Variants in TPX2 observed in about 807,000 individuals in gnomAD.
The protein encoded by TPX2 is TPX2 microtubule nucleation factor, also known as targeting protein for Xklp2.
Under a neutral mutation model 93.6 loss-of-function variants are expected in TPX2, and 21 were observed. The observed-to-expected ratio is 0.22, with a 90% CI of 0.16 to 0.32. The LOEUF is 0.32. Among genes scored for constraint, TPX2 ranks in the 10% least tolerant of loss-of-function variants. The probability of loss-of-function intolerance (pLI) is 1.00; values close to 1 mark genes in which losing one functional copy is unlikely to be tolerated. For missense variants in TPX2, 776 were observed against 871.1 expected, an observed-to-expected ratio of 0.89 and a Z score of 1.37; for synonymous variants, 281 against 298.3, an observed-to-expected ratio of 0.94 and a Z score of 0.60.
chr20:31,744,651 G>A (rs2122943535), intron 2 of TPX2, among the ~76,000 whole-genome samples: 1 of 152,024 alleles, frequency 6.6e-6, no homozygotes, highest in South Asian at 2.1e-4. Context: ...TCCTGCCTTA[G>A]CCTCTCGAGT....
At position 31,798,306 on chromosome 20, in the gene TPX2, G is replaced by A. The variant is rs8122920; in HGVS notation, c.1946-59G>A. 5.9e-4 allele frequency: 954 copies of A among 1,604,826 alleles called. 2 individuals are homozygous for A. In the African/African-American group the frequency reaches 9.6e-3, roughly 16 times the overall value. ...TCTGTGCCACTTGCTCATTCCAGGG[G>A]GCGTAGGTTTATGCAAGTCCTGCTT... On this transcript the variant is annotated intron_variant, in intron 16 of 17. Transcript: ENST00000300403.
chr20:31,788,840 A>G (rs2062083367), intron 12 of TPX2, among the ~76,000 whole-genome samples: 2 of 152,134 alleles, frequency 1.3e-5, no homozygotes, highest in Non-Finnish European at 2.9e-5. Flanking sequence ...TAGCAGAGAT[A>G]CTTTAGGGAT....
intron 2 of TPX2, among the ~76,000 whole-genome samples, chr20:31,743,756 C>T (rs1190517230): frequency 2.2e-5 from 3 of 137,832 alleles, no homozygotes; most frequent in East Asian, 4.1e-4. Flanking sequence ...GGCAGAGTTT[C>T]GCTCTTGTTG....
At chr20:31,765,285 C>G (rs894622941) in intron 4 of TPX2, among the ~76,000 whole-genome samples, 1 of 149,316 alleles carries the variant, frequency 6.7e-6, no homozygotes, top group East Asian at 1.9e-4. Context: ...TACTGAGACC[C>G]CCATCTCTAT....
At chr20:31,760,836 T>C (rs1485185388) in intron 4 of TPX2, among the ~76,000 whole-genome samples, 10 of 152,358 alleles carry the variant, frequency 6.6e-5, no homozygotes, top group Non-Finnish European at 1.0e-4. Flanking sequence ...GATGGATCGC[T>C]TCTCGGCCTT....
intron 4 of TPX2, among the ~76,000 whole-genome samples, chr20:31,765,212 C>CTTTGGGAGG (rs2061917009): frequency 6.7e-6 from 1 of 148,664 alleles, no homozygotes; most frequent in Non-Finnish European, 1.5e-5. Flanking sequence ...AATCCCAGTA[C>CTTTGGGAGG]TTTGGGAGGC....
intron 2 of TPX2, among the ~76,000 whole-genome samples, chr20:31,744,311 C>T (rs1343692995): frequency 1.3e-5 from 2 of 151,284 alleles, no homozygotes; most frequent in East Asian, 2.0e-4. Context: ...TACAGGCACC[C>T]GCAACCACAC....
chr20:31,763,551 A>C (rs2061903752), intron 4 of TPX2, among the ~76,000 whole-genome samples: 1 of 152,000 alleles, frequency 6.6e-6, no homozygotes, highest in African/African-American at 2.4e-5. Context: ...AATTAGAGAG[A>C]GAGGTAGTGA....
intron 12 of TPX2, among the ~76,000 whole-genome samples, chr20:31,788,226 G>T (rs1185174797): frequency 6.6e-6 from 1 of 152,002 alleles, no homozygotes; most frequent in African/African-American, 2.4e-5. Flanking sequence ...AGACCAGCCT[G>T]CCCAACATGG....
rs1175958600 is a variant in TPX2 at position 31,770,377 on chromosome 20, G to A, written c.391G>A (p.Glu131Lys). The A allele has an allele frequency of 3.1e-6, 5 of 1,603,992 alleles. No homozygotes were observed. In the South Asian group the frequency reaches 4.5e-5, roughly 14 times the overall value. The change falls in exon 6 of 18, where the codon GAA becomes AAA. Residue 131 changes from glutamate to lysine, a missense_variant. By Grantham distance (56) the Glu-to-Lys change is moderately conservative (BLOSUM62 1). Coordinates refer to ENST00000300403, the MANE Select transcript of TPX2 (RefSeq NM_012112.5). ...TAGGCTTTCTGCTCAGAAGGATTTG[G>A]AACAGAAAGAAAAGCATCATGTAAA... The part of the protein sequence containing the change: ...SLRLSAQKDL[E>K]QKEKHHVKMK...
At position 31,766,700 on chromosome 20, in the gene TPX2, C is replaced by T. The variant is rs1178665358; in HGVS notation, c.356+18C>T. 1 of 1,604,968 alleles carries T rather than the reference C, an allele frequency of 6.2e-7. No individual in the cohort carries two copies. Among genetic ancestry groups the T allele is most frequent in the Non-Finnish European group, 8.5e-7 (1 of 1,175,956 alleles). ...CCTCAGAGGTAAGACTTTGGAATCT[C>T]AAAGTGGTGGTTATGATAATAATGT... On this transcript the variant is annotated intron_variant, in intron 5 of 17. Transcript: ENST00000300403.
In TPX2 at chr20:31,777,900, C is replaced by G. The variant is rs569220442; in HGVS notation, c.882+262C>G. 1.1e-4 allele frequency among the ~76,000 whole-genome samples: 16 copies of G among 152,136 alleles called. No homozygotes were observed. The South Asian group carries it at 1.5e-3, about 14-fold the overall frequency. On this transcript the variant is annotated intron_variant, in intron 9 of 17. Transcript: ENST00000300403. ...CAAGTAATTCTCCTGCCTCAGCCTC[C>G]CAAGTAGCTGAGATTACAGGCGCCT...
At position 31,769,318 on chromosome 20, in the gene TPX2, C is replaced by CT. The variant is rs143158722; in HGVS notation, c.357-1008dup. ...ATAAGGAAATTATCTAATGATCACG[C>CT]TTTTTTTTTTTTTTTTTCAAGGCGG... On this transcript the variant is annotated intron_variant, in intron 5 of 17. Coordinates refer to ENST00000300403, the MANE Select transcript of TPX2 (RefSeq NM_012112.5). 2.2e-3 allele frequency among the ~76,000 whole-genome samples: 265 copies of CT among 121,832 alleles called. 1 individual carries two copies. Among genetic ancestry groups the CT allele is most frequent in the Middle Eastern group, 4.2e-3 (1 of 236 alleles). The allele number at this position is 121,832 out of a possible 152,430, so 79.9% of individuals were successfully genotyped here.
intron 2 of TPX2, among the ~76,000 whole-genome samples, chr20:31,753,678 G>A (rs2122968400): frequency 6.6e-6 from 1 of 152,272 alleles, no homozygotes; most frequent in South Asian, 2.1e-4. Context: ...ATGGGAAGAT[G>A]ATGTTCTCTG....
At chr20:31,772,519 T>C (rs1257497301) in intron 7 of TPX2, among the ~76,000 whole-genome samples, 1 of 152,118 alleles carries the variant, frequency 6.6e-6, no homozygotes, top group Non-Finnish European at 1.5e-5. Context: ...TTAAAAGAAA[T>C]ATAAAAGGAA....
At chr20:31,765,188 T>A (rs1468796351) in intron 4 of TPX2, among the ~76,000 whole-genome samples, 2 of 151,932 alleles carry the variant, frequency 1.3e-5, no homozygotes, top group African/African-American at 4.8e-5. Flanking sequence ...GCTGGGCTTG[T>A]AGTTCATGCC....
rs1213159097 is a variant in TPX2 at position 31,797,420 on chromosome 20, G to C, written c.1850G>C (p.Arg617Thr). ...TWKHQLEEEL[R>T]QQKEAACFKA... ...CTCTAATAGCTGGAAGAAGAACTGA[G>C]ACAGCAGAAAGAAGCAGCTTGTTTC... Residue 617 changes from arginine to threonine, a missense_variant, in exon 16 of 18, where the codon AGA becomes ACA. Arg to Thr is a moderately conservative substitution (Grantham distance 71). This residue lies in a region of TPX2 where 461 missense variants were observed against 551.2 expected (regional missense o/e 0.84). Coordinates refer to ENST00000300403, the MANE Select transcript of TPX2 (RefSeq NM_012112.5). 6 of 1,613,988 alleles carry C rather than the reference G, an allele frequency of 3.7e-6. No individual in the cohort carries two copies. The South Asian group carries it at 6.6e-5, about 18-fold the overall frequency.
chr20:31,771,721 G>T (rs2274581), intron 7 of TPX2, 39 bp downstream of exon 7: 1 of 1,583,628 alleles, frequency 6.3e-7, no homozygotes, highest in Non-Finnish European at 8.6e-7. Flanking sequence ...AGAATGAATG[G>T]TATAAAATTA....
At chr20:31,759,349 G>A (rs2061872619) in intron 3 of TPX2, among the ~76,000 whole-genome samples, 1 of 147,638 alleles carries the variant, frequency 6.8e-6, no homozygotes, top group African/African-American at 2.5e-5. Context: ...AGACTATACA[G>A]TATCTCTTGT....
Sources: allele counts gnomAD v4.1 joint callset (sites outside exome capture counted in the v4.1 genomes callset), GRCh38; gene constraint gnomAD v4.1.1; regional missense constraint gnomAD v4.1.1; transcripts MANE v1.5; gene names NCBI Gene and HGNC (gene_info 2026-07-23, HGNC 2026-07-21).